The following SPRED1 variants were observed in gnomAD, a reference collection of about 807,000 sequenced individuals.
SPRED1 encodes the protein sprouty-related, EVH1 domain-containing protein 1.
SPRED1 carries 18 observed loss-of-function variants against 52.3 expected under a neutral mutation model. The ratio of observed to expected loss-of-function variants is 0.34; its 90% CI spans 0.24 to 0.51. The LOEUF (loss-of-function observed/expected upper bound fraction) is 0.51. Ranked by LOEUF, SPRED1 falls within the 20% of genes least tolerant of loss-of-function variation. The pLI is 0.97. For synonymous variants in SPRED1, 155 were observed against 179.7 expected, an observed-to-expected ratio of 0.86 and a Z score of 1.10; for missense variants, 485 against 551.0, an observed-to-expected ratio of 0.88 and a Z score of 1.20.
At chr15:38,272,609 CA>C (rs1342683860) in intron 1 of SPRED1, among the ~76,000 whole-genome samples, 1 of 152,112 alleles carries the variant, frequency 6.6e-6, no homozygotes, top group African/African-American at 2.4e-5. Context: ...GAGAAATCTC[CA>C]AACTGCTCTC....
intron 2 of SPRED1, among the ~76,000 whole-genome samples, chr15:38,317,470 G>A (rs960753652): frequency 6.6e-6 from 1 of 152,000 alleles, no homozygotes; most frequent in East Asian, 1.9e-4. Flanking sequence ...TCTTGTCAAA[G>A]ATGTAATTGC....
intron 5 of SPRED1, among the ~76,000 whole-genome samples, chr15:38,347,594 AGG>A (rs1444773706): frequency 1.3e-5 from 2 of 149,522 alleles, no homozygotes; most frequent in African/African-American, 4.9e-5. Context: ...GTGTTAGTTT[AGG>A]GGATAATTTA....
chr15:38,349,508 A>C lies in SPRED1; in HGVS notation c.669A>C (p.Leu223=). The change falls in exon 6 of 7, where the codon CTA becomes CTC. Residue 223 remains leucine (L), a synonymous_variant. Transcript: ENST00000299084. ...AAATATCCAAGGAATGTGGAAGCCT[A>C]AAGTCCCAAAATAGGGTAAGTAATG... ...QRQISKECGS[L]KSQNRVPLKS... is the part of the protein sequence containing the mutation. The C allele has an allele frequency of 6.2e-7, 1 of 1,610,064 alleles. No individual in the cohort carries two copies. Among genetic ancestry groups the C allele is most frequent in the Non-Finnish European group, 8.5e-7 (1 of 1,176,686 alleles).
intron 2 of SPRED1, among the ~76,000 whole-genome samples, chr15:38,304,068 T>C (rs983707583): frequency 6.6e-6 from 1 of 152,198 alleles, no homozygotes. Flanking sequence ...AAAAATAAGG[T>C]TTCTTTCCAG....
chr15:38,269,167 C>A (rs1262864165), intron 1 of SPRED1, among the ~76,000 whole-genome samples: 2 of 152,094 alleles, frequency 1.3e-5, no homozygotes, highest in Non-Finnish European at 2.9e-5. Context: ...TGGTCTGGAT[C>A]TCCTAACCTT....
chr15:38,305,192 C>T (rs1249448279), intron 2 of SPRED1, among the ~76,000 whole-genome samples: 2 of 151,916 alleles, frequency 1.3e-5, no homozygotes, highest in East Asian at 3.9e-4. Context: ...ATTAGCTGGG[C>T]ATGGGGGCAG....
intron 2 of SPRED1, 108 bp downstream of exon 2, chr15:38,299,655 T>A: frequency 8.7e-7 from 1 of 1,143,300 alleles, no homozygotes; most frequent in Non-Finnish European, 1.3e-6. Flanking sequence ...TCAGTAATTA[T>A]GTTTCTGGAG....
intron 1 of SPRED1, among the ~76,000 whole-genome samples, chr15:38,262,839 C>A (rs1894231381): frequency 6.6e-6 from 1 of 152,190 alleles, no homozygotes; most frequent in South Asian, 2.1e-4. Context: ...AAAATTTGTT[C>A]TTTGAGCTAC....
At chr15:38,332,160 A>G (rs1895818723) in intron 4 of SPRED1, among the ~76,000 whole-genome samples, 1 of 152,216 alleles carries the variant, frequency 6.6e-6, no homozygotes, top group Non-Finnish European at 1.5e-5. Flanking sequence ...ACACATGTGC[A>G]TGCATTAGGA....
intron 1 of SPRED1, among the ~76,000 whole-genome samples, chr15:38,253,861 A>G (rs1894036433): frequency 6.6e-6 from 1 of 152,238 alleles, no homozygotes; most frequent in African/African-American, 2.4e-5. Flanking sequence ...GTCTTCAGGA[A>G]CGGAGAAGAA....
chr15:38,290,965 G>A lies in SPRED1; in HGVS notation c.33-8408G>A, dbSNP rs751714598. On this transcript the variant is annotated intron_variant, in intron 1 of 6. Coordinates refer to ENST00000299084, the MANE Select transcript of SPRED1 (RefSeq NM_152594.3). ...CCCAACAGTCCCCCAGAGTCTTAACGCGTTTTACCATTAACCCAAAAGTCC... is the reference window on the plus strand; with the variant it reads ...CCCAACAGTCCCCCAGAGTCTTAACACGTTTTACCATTAACCCAAAAGTCC... 1.5e-4 allele frequency among the ~76,000 whole-genome samples: 23 copies of A among 152,092 alleles called. No homozygotes were observed. In the South Asian group the frequency reaches 1.7e-3, roughly 11 times the overall value.
chr15:38,295,775 T>C (rs1895023514), intron 1 of SPRED1, among the ~76,000 whole-genome samples: 1 of 152,186 alleles, frequency 6.6e-6, no homozygotes, highest in Admixed American at 6.5e-5. Flanking sequence ...GTAAGTATTA[T>C]AAGCTTATAA....
chr15:38,333,495 C>A (rs752739969), intron 4 of SPRED1, among the ~76,000 whole-genome samples: 1 of 152,066 alleles, frequency 6.6e-6, no homozygotes, highest in Non-Finnish European at 1.5e-5. Flanking sequence ...TTCATTTATT[C>A]TTTTGTTCAT....
chr15:38,293,784 C>T (rs1021674467), intron 1 of SPRED1, among the ~76,000 whole-genome samples: 34 of 152,146 alleles, frequency 2.2e-4, no homozygotes, highest in South Asian at 2.1e-4. Context: ...CTTATGTCTA[C>T]TGTCATCTTT....
At chr15:38,336,435 T>A (rs1270792196) in intron 4 of SPRED1, among the ~76,000 whole-genome samples, 2 of 39,308 alleles carry the variant, frequency 5.1e-5, no homozygotes, top group Non-Finnish European at 1.6e-4. Flanking sequence ...TATATATATA[T>A]AATATTATAT....
chr15:38,267,141 G>C (rs1403355037), intron 1 of SPRED1, among the ~76,000 whole-genome samples: 1 of 152,090 alleles, frequency 6.6e-6, no homozygotes, highest in Non-Finnish European at 1.5e-5. Flanking sequence ...ACACATTTTT[G>C]CTTGTGTACA....
At chr15:38,296,402 G>A (rs1895040260) in intron 1 of SPRED1, among the ~76,000 whole-genome samples, 1 of 152,112 alleles carries the variant, frequency 6.6e-6, no homozygotes. Flanking sequence ...TCCACAAAGT[G>A]CAATAAAGTA....
At chr15:38,316,753 T>G (rs1346562848) in intron 2 of SPRED1, among the ~76,000 whole-genome samples, 5 of 146,372 alleles carry the variant, frequency 3.4e-5, no homozygotes. Flanking sequence ...TATATGTTTT[T>G]TTTTTTTTTT....
Position 38,263,241 on chromosome 15 carries a change from C to T in SPRED1, c.32+10024C>T, listed in dbSNP as rs182808610. ...ATGAAGGTGGGAATAGAGATGAACC[C>T]GGTTTTTTAAATGGGAAAATAACCC... On this transcript the variant is annotated intron_variant, in intron 1 of 6. Transcript: ENST00000299084. 9.1e-4 allele frequency among the ~76,000 whole-genome samples: 139 copies of T among 152,208 alleles called. 1 individual carries two copies. Among genetic ancestry groups the T allele is most frequent in the Non-Finnish European group, 3.7e-4 (25 of 68,028 alleles).
Sources: allele counts gnomAD v4.1 joint callset (sites outside exome capture counted in the v4.1 genomes callset), GRCh38; gene constraint gnomAD v4.1.1; transcripts MANE v1.5; gene names NCBI Gene and HGNC (gene_info 2026-07-23, HGNC 2026-07-21).